Variants in CACNA1C observed in about 807,000 individuals in gnomAD.
The protein encoded by CACNA1C is calcium voltage-gated channel subunit alpha1 C, also known as voltage-dependent L-type calcium channel subunit alpha-1C.
A neutral mutation model predicts 229.0 loss-of-function variants in CACNA1C; 30 were observed. The ratio of observed to expected loss-of-function variants is 0.13; its 90% CI spans 0.10 to 0.18. The LOEUF (loss-of-function observed/expected upper bound fraction) is 0.18. CACNA1C is among the 10% of genes least tolerant of loss of function. CACNA1C has a pLI of 1.00. For missense variants in CACNA1C, 1,658 were observed against 2,845.0 expected (o/e 0.58, Z 9.49); for synonymous variants, 1,114 against 1,132.5 (o/e 0.98, Z 0.33).
intron 3 of CACNA1C, among the ~76,000 whole-genome samples, chr12:2,413,947 A>G (rs1379653511): frequency 6.6e-6 from 1 of 152,182 alleles, no homozygotes. Context: ...AGCTGAGACC[A>G]TCTGATGAGT....
intron 9 of CACNA1C, among the ~76,000 whole-genome samples, chr12:2,529,365 A>G (rs889331656): frequency 1.3e-5 from 2 of 152,182 alleles, no homozygotes; most frequent in Admixed American, 6.5e-5. Flanking sequence ...TGCTGTATTC[A>G]TTGCATTTTA....
At chr12:2,556,396 C>A (rs932642368) in intron 10 of CACNA1C, among the ~76,000 whole-genome samples, 1 of 152,208 alleles carries the variant, frequency 6.6e-6, no homozygotes, top group Non-Finnish European at 1.5e-5. Flanking sequence ...CCGTCAGCAT[C>A]CTGGGTTTCT....
intron 3 of CACNA1C, among the ~76,000 whole-genome samples, chr12:2,156,899 C>G (rs1470543955): frequency 1.3e-5 from 2 of 152,136 alleles, no homozygotes; most frequent in Non-Finnish European, 2.9e-5. Flanking sequence ...TTCATGCAGC[C>G]CAGTGGCAGC....
At position 2,616,198 on chromosome 12, in the gene CACNA1C, C is replaced by T. The variant is rs529157175; in HGVS notation, c.3828+4185C>T. Among the ~76,000 whole-genome samples the T allele has an allele frequency of 3.3e-5, 5 of 152,298 alleles. No individual in the cohort carries two copies. The East Asian group carries it at 7.7e-4, about 24-fold the overall frequency. On this transcript the variant is annotated intron_variant, in intron 29 of 46. Coordinates refer to ENST00000399655, the MANE Select transcript of CACNA1C (RefSeq NM_000719.7). ...AAGCACTCATTGGCCCCTCTGACCCCCTGCTTTCTTGAATAAGCAGCTGAA... is the reference window on the plus strand; with the variant it reads ...AAGCACTCATTGGCCCCTCTGACCCTCTGCTTTCTTGAATAAGCAGCTGAA...
intron 1 of CACNA1C, among the ~76,000 whole-genome samples, chr12:2,015,556 A>G (rs898841382): frequency 3.3e-5 from 5 of 152,216 alleles, no homozygotes; most frequent in African/African-American, 9.6e-5. Flanking sequence ...TTGGGAGGAT[A>G]CAATGGCATA....
At chr12:2,470,427 G>T (rs2099584953) in intron 5 of CACNA1C, among the ~76,000 whole-genome samples, 1 of 152,200 alleles carries the variant, frequency 6.6e-6, no homozygotes. Context: ...AGGGGGGAAT[G>T]AAATGAAGAT....
At chr12:2,118,354 G>A (rs2084943469) in intron 2 of CACNA1C, among the ~76,000 whole-genome samples, 1 of 152,194 alleles carries the variant, frequency 6.6e-6, no homozygotes, top group Non-Finnish European at 1.5e-5. Flanking sequence ...CTGTGGGCTC[G>A]GTGTCACTTT....
chr12:2,460,151 G>A (rs965326072), intron 5 of CACNA1C, among the ~76,000 whole-genome samples: 2 of 152,206 alleles, frequency 1.3e-5, no homozygotes, highest in East Asian at 1.9e-4. Flanking sequence ...CCTCACCTTC[G>A]GTGGTAGGCC....
At chr12:2,491,471 CAG>C (rs565638083) in intron 6 of CACNA1C, among the ~76,000 whole-genome samples, 129 of 136,108 alleles carry the variant, frequency 9.5e-4, no homozygotes, top group African/African-American at 3.1e-3. Flanking sequence ...GAGGAAATGA[CAG>C]AGGAGGAAGA....
intron 1 of CACNA1C, among the ~76,000 whole-genome samples, chr12:2,009,230 G>C (rs1288807799): frequency 6.6e-6 from 1 of 152,140 alleles, no homozygotes; most frequent in Non-Finnish European, 1.5e-5. Flanking sequence ...TTTAAAACAA[G>C]TTTGTAGAAT....
intron 1 of CACNA1C, among the ~76,000 whole-genome samples, chr12:2,040,303 C>T (rs1457389781): frequency 6.6e-6 from 1 of 152,122 alleles, no homozygotes; most frequent in African/African-American, 2.4e-5. Flanking sequence ...GAACTGCTCT[C>T]TGCAGAACAT....
At chr12:2,600,382 G>C (rs1389737935) in intron 21 of CACNA1C, among the ~76,000 whole-genome samples, 3 of 152,222 alleles carry the variant, frequency 2.0e-5, no homozygotes, top group South Asian at 2.1e-4. Flanking sequence ...GGTTGCAAGA[G>C]CTATTTTTGC....
intron 6 of CACNA1C, among the ~76,000 whole-genome samples, chr12:2,492,617 G>GGATAC (rs1179686975): frequency 2.4e-4 from 37 of 152,358 alleles, no homozygotes; most frequent in African/African-American, 8.4e-4. Flanking sequence ...ACTGTAAAGT[G>GGATAC]ACTTGCGTCC....
At chr12:2,565,388 A>AC (rs1390493093) in intron 11 of CACNA1C, among the ~76,000 whole-genome samples, 2 of 150,780 alleles carry the variant, frequency 1.3e-5, no homozygotes, top group South Asian at 2.1e-4. Context: ...AATGGCGTGA[A>AC]CCCGGGAAGC....
chr12:2,427,484 G>C (rs1244977307), intron 3 of CACNA1C, among the ~76,000 whole-genome samples: 1 of 151,490 alleles, frequency 6.6e-6, no homozygotes, highest in East Asian at 1.9e-4. Context: ...GATAGCCTAT[G>C]AAGATCAAGA....
intron 3 of CACNA1C, among the ~76,000 whole-genome samples, chr12:2,138,420 G>C (rs922220468): frequency 1.3e-5 from 2 of 151,022 alleles, no homozygotes; most frequent in African/African-American, 4.8e-5. Context: ...CTTGAGGGCT[G>C]GGCTGTGTAC....
At chr12:2,530,772 G>A (rs370876784) in intron 9 of CACNA1C, among the ~76,000 whole-genome samples, 7 of 152,292 alleles carry the variant, frequency 4.6e-5, no homozygotes, top group Admixed American at 1.3e-4. Flanking sequence ...GTAAGTGACC[G>A]TTAACACGCA....
rs1594440971 is a variant in CACNA1C at position 2,053,281 on chromosome 12, T to C, written c.-282T>C. On this transcript the variant is annotated 5_prime_UTR_variant, in exon 1 of 47. Coordinates refer to ENST00000399655, the MANE Select transcript of CACNA1C (RefSeq NM_000719.7). This position sits in a 1 kb window ranked among gnomAD's most constrained non-coding sequence, Gnocchi z 5.8. ...TTTCAAATGGTGTAGCCGCCGGAGG[T>C]GCGGTGCTCAGTTCTTGGAAGGGGC... 1 of 1,133,568 alleles carries C rather than the reference T, an allele frequency of 8.8e-7. No individual in the cohort carries two copies. The highest frequency in any genetic ancestry group is 1.1e-6 in the Non-Finnish European group (1 of 925,058). 70.2% of individuals were successfully genotyped at this position (1,133,568 alleles called of 1,614,324 possible). A position where few individuals can be genotyped will look rare whatever the true frequency, so the allele number is the denominator to read the frequency against.
At chr12:2,485,790 C>T (rs949887978) in intron 5 of CACNA1C, among the ~76,000 whole-genome samples, 7 of 152,172 alleles carry the variant, frequency 4.6e-5, no homozygotes, top group African/African-American at 9.7e-5. Context: ...AAAAGATGCT[C>T]AGTTGTCTGT....
Sources: allele counts gnomAD v4.1 joint callset (sites outside exome capture counted in the v4.1 genomes callset), GRCh38; gene constraint gnomAD v4.1.1; non-coding constraint Gnocchi (gnomAD v3.1); transcripts MANE v1.5; gene names NCBI Gene and HGNC (gene_info 2026-07-23, HGNC 2026-07-21).